The following RBFOX1 variants were observed in gnomAD, a reference collection of about 807,000 sequenced individuals.
RBFOX1 encodes RNA binding fox-1 homolog 1.
RBFOX1 carries 8 observed loss-of-function variants against 57.7 expected under a neutral mutation model. That is an observed-to-expected ratio of 0.14 (90% CI 0.08 to 0.25). The LOEUF is 0.25. Ranked by LOEUF, RBFOX1 falls within the 10% of genes least tolerant of loss-of-function variation. The pLI, the probability that RBFOX1 is intolerant of heterozygous loss-of-function variation, is 1.00. For missense variants in RBFOX1, 611 were observed against 548.5 expected, an observed-to-expected ratio of 1.11 and a Z score of -1.14; for synonymous variants, 326 against 222.4, an observed-to-expected ratio of 1.47 and a Z score of -4.15.
rs1167441250 is a variant in RBFOX1 at position 6,677,500 on chromosome 16, T to G, written c.-16+22850T>G. Among the ~76,000 whole-genome samples the G allele has an allele frequency of 2.6e-5, 4 of 152,292 alleles. No homozygotes were observed. The East Asian group carries it at 7.7e-4, about 29-fold the overall frequency. On this transcript the variant is annotated intron_variant, in intron 3 of 15. Coordinates refer to ENST00000550418, the MANE Select transcript of RBFOX1 (RefSeq NM_018723.4). Reference sequence around the variant, plus strand: ...AAAAGAAAGTTTTAAACATCCAGCCTAAATTAAGAATTCCATATCAAAAAC... The same window carrying G: ...AAAAGAAAGTTTTAAACATCCAGCCGAAATTAAGAATTCCATATCAAAAAC...
At chr16:6,458,329 C>A (rs1260276856) in intron 2 of RBFOX1, among the ~76,000 whole-genome samples, 1 of 152,188 alleles carries the variant, frequency 6.6e-6, no homozygotes, top group Non-Finnish European at 1.5e-5. Flanking sequence ...GTACTATTTA[C>A]TATTGGTTTC....
intron 4 of RBFOX1, among the ~76,000 whole-genome samples, chr16:7,281,975 C>A (rs1485164154): frequency 6.6e-6 from 1 of 152,186 alleles, no homozygotes; most frequent in African/African-American, 2.4e-5. Flanking sequence ...CAGCAATCCT[C>A]CCACCTCAGC....
intron 3 of RBFOX1, among the ~76,000 whole-genome samples, chr16:5,672,797 A>T (rs1393923696): frequency 6.6e-6 from 1 of 152,056 alleles, no homozygotes; most frequent in Non-Finnish European, 1.5e-5. Context: ...GTGGTTTCTG[A>T]TGGTCCTACC....
At chr16:6,635,404 G>T (rs1005505151) in intron 2 of RBFOX1, among the ~76,000 whole-genome samples, 6 of 152,050 alleles carry the variant, frequency 3.9e-5, no homozygotes, top group Admixed American at 3.9e-4. Flanking sequence ...CCTTATCCAT[G>T]CAGGACCAAA....
At chr16:6,166,312 A>C (rs895459081) in intron 1 of RBFOX1, among the ~76,000 whole-genome samples, 7 of 151,800 alleles carry the variant, frequency 4.6e-5, no homozygotes, top group Non-Finnish European at 8.8e-5. Context: ...ACGGGGACCA[A>C]GCTCGCACAC....
intron 4 of RBFOX1, among the ~76,000 whole-genome samples, chr16:7,202,789 A>T (rs1405242737): frequency 2.6e-5 from 4 of 152,194 alleles, no homozygotes; most frequent in Non-Finnish European, 4.4e-5. Flanking sequence ...TCCTGAAACC[A>T]TCCCCTGCAA....
At chr16:6,961,332 G>T (rs990825086) in intron 3 of RBFOX1, among the ~76,000 whole-genome samples, 3 of 152,146 alleles carry the variant, frequency 2.0e-5, no homozygotes, top group Admixed American at 6.5e-5. Context: ...TGGAGCCCCT[G>T]GGTCCCTGCG....
chr16:7,378,236 T>A (rs538059135), intron 4 of RBFOX1, among the ~76,000 whole-genome samples: 1 of 152,242 alleles, frequency 6.6e-6, no homozygotes, highest in South Asian at 2.1e-4. Flanking sequence ...ACACAAACCA[T>A]CTCCTGATCT....
chr16:6,113,291 T>C (rs1259233838), intron 1 of RBFOX1, among the ~76,000 whole-genome samples: 2 of 152,192 alleles, frequency 1.3e-5, no homozygotes, highest in East Asian at 3.9e-4. Flanking sequence ...CTCACATCAC[T>C]TCCTCTCACC....
chr16:6,710,196 CA>C (rs1240650304), intron 3 of RBFOX1, among the ~76,000 whole-genome samples: 2 of 152,134 alleles, frequency 1.3e-5, no homozygotes, highest in African/African-American at 2.4e-5. Flanking sequence ...TTTAACTTCT[CA>C]AAACTGAAAT....
chr16:6,107,312 C>T (rs577617691), intron 1 of RBFOX1, among the ~76,000 whole-genome samples: 2 of 151,974 alleles, frequency 1.3e-5, no homozygotes, highest in African/African-American at 2.4e-5. Context: ...CATGAAATGA[C>T]CCTCCAGGCA....
intron 2 of RBFOX1, among the ~76,000 whole-genome samples, chr16:6,567,661 C>A (rs942648781): frequency 2.0e-5 from 3 of 152,174 alleles, no homozygotes; most frequent in African/African-American, 7.2e-5. Context: ...TACACCAGTG[C>A]CTGGCACCCA....
intron 3 of RBFOX1, among the ~76,000 whole-genome samples, chr16:6,686,662 C>G (rs959738302): frequency 1.3e-5 from 2 of 152,144 alleles, no homozygotes; most frequent in African/African-American, 4.8e-5. Context: ...TTTTGAGACA[C>G]AAAGGTAAGC....
In RBFOX1 at chr16:5,281,681, C is replaced by A. The variant is rs181621079; in HGVS notation, c.219+41576C>A. ...TGATCCCTTTATTACCACATAATGA[C>A]CTTCTTTGTCCTTTTTACAGTTTTT... On this transcript the variant is annotated intron_variant, in intron 1 of 2. Transcript: ENST00000585867. Among the ~76,000 whole-genome samples, 31 of 152,248 alleles carry A rather than the reference C, an allele frequency of 2.0e-4. No individual in the cohort carries two copies. In the East Asian group the frequency reaches 5.8e-3, roughly 28 times the overall value.
At chr16:6,785,181 T>G (rs1437914766) in intron 3 of RBFOX1, among the ~76,000 whole-genome samples, 1 of 152,164 alleles carries the variant, frequency 6.6e-6, no homozygotes, top group Non-Finnish European at 1.5e-5. Context: ...AGATCTGGTC[T>G]GCTCTGGAGA....
chr16:6,579,615 C>T (rs565409239), intron 2 of RBFOX1, among the ~76,000 whole-genome samples: 132 of 152,258 alleles, frequency 8.7e-4, no homozygotes, highest in Non-Finnish European at 1.5e-3. Flanking sequence ...CTTCCCCTTC[C>T]GCCACGATTA....
chr16:5,860,355 G>T (rs542334552), intron 3 of RBFOX1, among the ~76,000 whole-genome samples: 1 of 152,130 alleles, frequency 6.6e-6, no homozygotes, highest in African/African-American at 2.4e-5. Context: ...GATTACAGAC[G>T]TGAGCCACCG....
rs142883737 is a variant in RBFOX1 at position 5,287,831 on chromosome 16, C to T, written c.219+47726C>T. Among the ~76,000 whole-genome samples, 125 of 152,264 alleles carry T rather than the reference C, an allele frequency of 8.2e-4. 2 individuals carry two copies. In the East Asian group the frequency reaches 0.021, roughly 26 times the overall value. On this transcript the variant is annotated intron_variant, in intron 1 of 2. Transcript: ENST00000585867. ...TATTAGGGGCTGGAGAAATATGCTC[C>T]GATTCTTCAGTGGGAGGAACTGCAG...
At chr16:6,018,244 A>C (rs1417101176), upstream of RBFOX1, among the ~76,000 whole-genome samples, 1 of 152,132 alleles carries the variant, frequency 6.6e-6, no homozygotes, top group African/African-American at 2.4e-5. Context: ...AAGGTAGGGG[A>C]AGAGCAGAGT....
Sources: allele counts gnomAD v4.1 joint callset (sites outside exome capture counted in the v4.1 genomes callset), GRCh38; gene constraint gnomAD v4.1.1; transcripts MANE v1.5; gene names NCBI Gene and HGNC (gene_info 2026-07-23, HGNC 2026-07-21).